Variants in LRRC37B observed in about 807,000 individuals in gnomAD.
The protein encoded by LRRC37B is leucine-rich repeat-containing protein 37B.
A neutral mutation model predicts 98.3 loss-of-function variants in LRRC37B; 28 were observed. The observed-to-expected ratio is 0.28, with a 90% CI of 0.21 to 0.39. The LOEUF (loss-of-function observed/expected upper bound fraction) is 0.39, where lower values mean the gene tolerates loss of function less well. Ranked by LOEUF, LRRC37B falls within the 10% of genes least tolerant of loss-of-function variation. The pLI, the probability that LRRC37B is intolerant of heterozygous loss-of-function variation, is 1.00. For missense variants in LRRC37B, 938 were observed against 1,182.7 expected (o/e 0.79, Z 3.03); for synonymous variants, 364 against 442.7 (o/e 0.82, Z 2.23).
chr17:32,025,372 AG>A (rs1305069760), intron 2 of LRRC37B, among the ~76,000 whole-genome samples: 73 of 151,994 alleles, frequency 4.8e-4, no homozygotes, highest in African/African-American at 1.5e-3. Flanking sequence ...ATGCAATAAC[AG>A]GTATAACAAA....
chr17:32,027,499 G>A (rs1194284294), intron 2 of LRRC37B, among the ~76,000 whole-genome samples: 2 of 150,474 alleles, frequency 1.3e-5, no homozygotes, highest in African/African-American at 4.9e-5. Flanking sequence ...GGGTGTGCTT[G>A]TGTGTGTGTG....
At chr17:32,033,324 A>G (rs1178370579) in intron 5 of LRRC37B, among the ~76,000 whole-genome samples, 10 of 129,344 alleles carry the variant, frequency 7.7e-5, no homozygotes, top group African/African-American at 2.9e-4. Context: ...GGAAGGGAGG[A>G]AGGGAGGGAG....
intron 7 of LRRC37B, among the ~76,000 whole-genome samples, chr17:32,037,971 C>A (rs1425636010): frequency 6.6e-6 from 1 of 152,052 alleles, no homozygotes; most frequent in African/African-American, 2.4e-5. Flanking sequence ...CACAAACACA[C>A]ACACAATTAG....
chr17:32,022,705 T>C (rs993549624), exon 1 of LRRC37B: 2 of 1,613,894 alleles, frequency 1.2e-6, no homozygotes, highest in African/African-American at 2.7e-5. Flanking sequence ...AGCACCAACA[T>C]ATGTGAGCTC....
chr17:32,007,854 G>C (rs1181192696), upstream of LRRC37B: 1 of 1,150,866 alleles, frequency 8.7e-7, no homozygotes, highest in African/African-American at 1.6e-5. This position sits in a 1 kb window ranked among gnomAD's most constrained non-coding sequence, Gnocchi z 4.1. Context: ...CCCCGCGCCG[G>C]CACCAGCGCA....
chr17:32,043,835 T>G (rs1911508976), intron 7 of LRRC37B, among the ~76,000 whole-genome samples: 2 of 150,260 alleles, frequency 1.3e-5, no homozygotes, highest in South Asian at 4.3e-4. Context: ...AGTCTTAATG[T>G]GGCCCTAACA....
chr17:32,020,947 C>A, upstream of LRRC37B: 2 of 1,447,974 alleles, frequency 1.4e-6, no homozygotes, highest in East Asian at 5.1e-5. Context: ...TCCGGCCTGG[C>A]GGGGTGGGAA....
exon 1 of LRRC37B, chr17:32,022,417 G>A (rs761096433): frequency 7.4e-6 from 12 of 1,613,282 alleles, no homozygotes; most frequent in African/African-American, 1.3e-5. Flanking sequence ...CTGGAGCTTA[G>A]CATAACTACA....
At chr17:32,036,603 G>A (rs904747579) in intron 7 of LRRC37B, among the ~76,000 whole-genome samples, 1 of 151,984 alleles carries the variant, frequency 6.6e-6, no homozygotes, top group Admixed American at 6.6e-5. Context: ...GTGGACTTTG[G>A]TATCTGCAGG....
chr17:32,014,923 G>A (rs1910617616), intron 1 of LRRC37B, among the ~76,000 whole-genome samples: 1 of 152,138 alleles, frequency 6.6e-6, no homozygotes, highest in African/African-American at 2.4e-5. Context: ...CTTGAGGTCA[G>A]GAATTTGAGA....
chr17:32,021,951 C>T, exon 1 of LRRC37B: 1 of 1,614,080 alleles, frequency 6.2e-7, no homozygotes, highest in Non-Finnish European at 8.5e-7. Context: ...AAGTCAAAAT[C>T]CAGAGACCCT....
At chr17:32,022,200 A>C (rs1414211496) in exon 1 of LRRC37B, 16 of 1,613,486 alleles carry the variant, frequency 9.9e-6, no homozygotes, top group Non-Finnish European at 1.3e-5. Context: ...GGAGGTTACC[A>C]TGACTTCAGA....
chr17:32,046,403 C>G (rs2142261356), intron 8 of LRRC37B, among the ~76,000 whole-genome samples: 1 of 152,302 alleles, frequency 6.6e-6, no homozygotes, highest in Admixed American at 6.5e-5. Context: ...TCAAACCTTT[C>G]TATTCGCAGA....
At chr17:32,041,999 C>T in intron 7 of LRRC37B, 1 of 359,262 alleles carries the variant, frequency 2.8e-6, no homozygotes, top group South Asian at 2.0e-5. Context: ...GTTTTAAATC[C>T]CTCCACAAGC....
chr17:32,019,395 A>T (rs553799046), upstream of LRRC37B, among the ~76,000 whole-genome samples: 1 of 152,264 alleles, frequency 6.6e-6, no homozygotes, highest in East Asian at 1.9e-4. Flanking sequence ...AGGCTACACC[A>T]CCTATGTTTG....
upstream of LRRC37B, chr17:32,007,831 C>T (rs530858546): frequency 2.1e-4 from 250 of 1,173,818 alleles, no homozygotes; most frequent in African/African-American, 3.7e-3. This position sits in a 1 kb window ranked among gnomAD's most constrained non-coding sequence, Gnocchi z 4.1. Flanking sequence ...AGGAAGCCAC[C>T]GCCGCCGGCC....
chr17:32,046,681 C>T (rs553657201), intron 8 of LRRC37B, among the ~76,000 whole-genome samples: 88 of 148,476 alleles, frequency 5.9e-4, no homozygotes, highest in African/African-American at 1.9e-3. Context: ...TCTCCTTTTA[C>T]AGGTGAGGAA....
intron 11 of LRRC37B, chr17:32,052,346 A>C (rs1911782729): frequency 6.6e-6 from 1 of 152,048 alleles, no homozygotes; most frequent in African/African-American, 2.4e-5. Context: ...TGAATTTGAA[A>C]ACTTTTGTTG....
intron 1 of LRRC37B, among the ~76,000 whole-genome samples, chr17:32,011,687 G>A (rs759329969): frequency 4.7e-5 from 7 of 148,200 alleles, no homozygotes; most frequent in Admixed American, 1.3e-4. Context: ...AGTAGAGATG[G>A]GGTTTCACCA....
Sources: allele counts gnomAD v4.1 joint callset (sites outside exome capture counted in the v4.1 genomes callset), GRCh38; gene constraint gnomAD v4.1.1; non-coding constraint Gnocchi (gnomAD v3.1); transcripts MANE v1.5; gene names NCBI Gene and HGNC (gene_info 2026-07-23, HGNC 2026-07-21).